The following FOXP1 variants were observed in gnomAD, a reference collection of about 807,000 sequenced individuals.
The protein encoded by FOXP1 is forkhead box protein P1.
FOXP1 carries 15 observed loss-of-function variants against 98.2 expected under a neutral mutation model. The ratio of observed to expected loss-of-function variants is 0.15; its 90% CI spans 0.10 to 0.24. FOXP1 has a LOEUF of 0.24. Ranked by LOEUF, FOXP1 falls within the 10% of genes least tolerant of loss-of-function variation. The probability of loss-of-function intolerance (pLI) is 1.00; values close to 1 mark genes in which losing one functional copy is unlikely to be tolerated. For synonymous variants in FOXP1, 371 were observed against 314.5 expected (o/e 1.18, Z -1.90); for missense variants, 633 against 848.5 (o/e 0.75, Z 3.15).
intron 6 of FOXP1, among the ~76,000 whole-genome samples, chr3:71,121,487 A>C (rs188216343): frequency 9.3e-6 from 1 of 107,056 alleles, no homozygotes; most frequent in Non-Finnish European, 2.2e-5. Flanking sequence ...CTAAAAAAAA[A>C]ACCCACCATC....
intron 2 of FOXP1, among the ~76,000 whole-genome samples, chr3:71,555,791 G>C (rs2046083652): frequency 6.6e-6 from 1 of 152,032 alleles, no homozygotes; most frequent in Non-Finnish European, 1.5e-5. Flanking sequence ...CCATTATAGA[G>C]AAGTATTATT....
At chr3:71,284,257 A>C (rs992715897) in intron 5 of FOXP1, among the ~76,000 whole-genome samples, 3 of 152,160 alleles carry the variant, frequency 2.0e-5, no homozygotes, top group African/African-American at 7.2e-5. Flanking sequence ...AATACATCTA[A>C]AGAAAAGCAA....
chr3:71,492,294 G>T (rs1157167626), intron 3 of FOXP1, among the ~76,000 whole-genome samples: 3 of 151,798 alleles, frequency 2.0e-5, no homozygotes, highest in African/African-American at 7.3e-5. Flanking sequence ...TCTCCTAAAA[G>T]TACAAAAATT....
chr3:71,341,717 A>C lies in FOXP1; in HGVS notation c.-73+17433T>G, dbSNP rs537233107. On this transcript the variant is annotated intron_variant, in intron 4 of 20. Coordinates refer to ENST00000649528, the MANE Select transcript of FOXP1 (RefSeq NM_001349338.3). ...CCGTCTCAAAAGAAAAAGAAAAACA[A>C]AGAAGAAAGATTTGAAATAAAATAT... is the stretch of plus-strand genomic sequence containing the variant. 6.6e-5 allele frequency among the ~76,000 whole-genome samples: 10 copies of C among 152,340 alleles called. No individual in the cohort carries two copies. In the East Asian group the frequency reaches 7.7e-4, roughly 12 times the overall value.
At chr3:71,205,075 G>C (rs1330866490) in intron 5 of FOXP1, among the ~76,000 whole-genome samples, 2 of 152,162 alleles carry the variant, frequency 1.3e-5, no homozygotes, top group East Asian at 3.9e-4. Context: ...GGAATGAGCC[G>C]GAGGGCTATT....
At chr3:71,519,389 T>A (rs1218967945) in intron 2 of FOXP1, among the ~76,000 whole-genome samples, 1 of 152,190 alleles carries the variant, frequency 6.6e-6, no homozygotes, top group Non-Finnish European at 1.5e-5. Context: ...AGACATTAGA[T>A]TTCATGTTAA....
chr3:71,030,960 A>G (rs1228944640), intron 11 of FOXP1, among the ~76,000 whole-genome samples: 1 of 152,196 alleles, frequency 6.6e-6, no homozygotes, highest in Non-Finnish European at 1.5e-5. Context: ...TTCAGACATG[A>G]AAGTAGAGTC....
chr3:71,206,607 A>C (rs531889981), intron 5 of FOXP1, among the ~76,000 whole-genome samples: 1 of 152,306 alleles, frequency 6.6e-6, no homozygotes, highest in Non-Finnish European at 1.5e-5. Flanking sequence ...AGGAGACTTC[A>C]TATTTCCAAG....
intron 13 of FOXP1, among the ~76,000 whole-genome samples, chr3:70,995,602 A>G (rs1008694821): frequency 1.3e-5 from 2 of 152,186 alleles, no homozygotes; most frequent in African/African-American, 4.8e-5. Flanking sequence ...TAGTATAAGG[A>G]ACTCACACAC....
chr3:71,150,816 G>GTA (rs1216219482), intron 6 of FOXP1, among the ~76,000 whole-genome samples: 1 of 152,124 alleles, frequency 6.6e-6, no homozygotes, highest in Non-Finnish European at 1.5e-5. Flanking sequence ...CGTTAAGTAT[G>GTA]TGGCATGGCG....
intron 5 of FOXP1, among the ~76,000 whole-genome samples, chr3:71,271,584 G>A (rs965416397): frequency 6.6e-6 from 1 of 152,156 alleles, no homozygotes; most frequent in African/African-American, 2.4e-5. Flanking sequence ...AACACATCAA[G>A]AGAACTTAAT....
intron 13 of FOXP1, among the ~76,000 whole-genome samples, chr3:70,992,719 C>T (rs1029676068): frequency 1.3e-5 from 2 of 152,124 alleles, no homozygotes; most frequent in Admixed American, 6.5e-5. Context: ...TTAAAGCAGA[C>T]GCACACTAAT....
At chr3:71,252,731 GT>G (rs1377274865) in intron 5 of FOXP1, among the ~76,000 whole-genome samples, 3 of 152,248 alleles carry the variant, frequency 2.0e-5, no homozygotes, top group Non-Finnish European at 4.4e-5. Context: ...GAAACAAAAT[GT>G]CCTAGGCCAA....
intron 4 of FOXP1, among the ~76,000 whole-genome samples, chr3:71,345,742 G>A (rs959752127): frequency 2.6e-5 from 4 of 151,874 alleles, no homozygotes; most frequent in South Asian, 2.1e-4. Flanking sequence ...GAGAGCAGGC[G>A]GCATTCTTCA....
At chr3:71,575,199 T>A (rs2047632926) in intron 2 of FOXP1, among the ~76,000 whole-genome samples, 1 of 152,200 alleles carries the variant, frequency 6.6e-6, no homozygotes, top group African/African-American at 2.4e-5. Context: ...CCGTTTTTCA[T>A]TCGTAATAAA....
chr3:71,182,222 C>G (rs888111670), intron 6 of FOXP1, among the ~76,000 whole-genome samples: 4 of 151,878 alleles, frequency 2.6e-5, no homozygotes, highest in African/African-American at 9.7e-5. Flanking sequence ...GAGATAACAC[C>G]AGGGAGCAGC....
At chr3:71,467,603 T>A (rs981128200) in intron 3 of FOXP1, among the ~76,000 whole-genome samples, 11 of 152,182 alleles carry the variant, frequency 7.2e-5, no homozygotes, top group African/African-American at 2.4e-4. Flanking sequence ...TAGTTGGGGG[T>A]AGCCTGTGGC....
chr3:71,336,060 GAA>G (rs376642419), intron 4 of FOXP1, among the ~76,000 whole-genome samples: 1 of 117,236 alleles, frequency 8.5e-6, no homozygotes, highest in African/African-American at 3.3e-5. Flanking sequence ...AGGTGAGTCT[GAA>G]ACATTCTGTC....
At chr3:71,484,368 T>C (rs1232113802) in intron 3 of FOXP1, among the ~76,000 whole-genome samples, 3 of 152,226 alleles carry the variant, frequency 2.0e-5, no homozygotes, top group Non-Finnish European at 4.4e-5. Context: ...TAAAATGCTT[T>C]TAATAATCAC....
Sources: allele counts gnomAD v4.1 joint callset (sites outside exome capture counted in the v4.1 genomes callset), GRCh38; gene constraint gnomAD v4.1.1; transcripts MANE v1.5; gene names NCBI Gene and HGNC (gene_info 2026-07-23, HGNC 2026-07-21).